Variants in COL24A1 observed in about 807,000 individuals in gnomAD.
The protein encoded by COL24A1 is collagen alpha-1(XXIV) chain.
COL24A1 carries 224 observed loss-of-function variants against 253.9 expected under a neutral mutation model. The ratio of observed to expected loss-of-function variants is 0.88; its 90% CI spans 0.79 to 0.99. The LOEUF is 0.99. COL24A1 is among the 50% of genes least tolerant of loss of function. The pLI is 0.00. For synonymous variants in COL24A1, 685 were observed against 673.7 expected (o/e 1.02, Z -0.26); for missense variants, 2,131 against 2,068.5 (o/e 1.03, Z -0.59).
intron 19 of COL24A1, among the ~76,000 whole-genome samples, chr1:86,002,800 C>G (rs982411770): frequency 2.0e-5 from 3 of 152,152 alleles, no homozygotes; most frequent in Non-Finnish European, 4.4e-5. Flanking sequence ...TGAATAGCCC[C>G]TCTAAGGCAA....
chr1:85,965,887 T>C (rs914840780), intron 22 of COL24A1, among the ~76,000 whole-genome samples: 2 of 151,882 alleles, frequency 1.3e-5, no homozygotes, highest in African/African-American at 2.4e-5. Context: ...TCAAAGGAAA[T>C]GGGGGATGAG....
chr1:85,901,206 A>C (rs781166074), intron 28 of COL24A1, among the ~76,000 whole-genome samples: 3 of 152,186 alleles, frequency 2.0e-5, no homozygotes, highest in Non-Finnish European at 4.4e-5. Flanking sequence ...CAAACAACTC[A>C]GTAGTTAAAA....
At chr1:85,993,813 T>A (rs1694521886) in intron 19 of COL24A1, among the ~76,000 whole-genome samples, 1 of 152,074 alleles carries the variant, frequency 6.6e-6, no homozygotes, top group Admixed American at 6.6e-5. Flanking sequence ...TTTTTAAGGA[T>A]TTAAAGATCT....
rs1320375371 is a variant in COL24A1, at chr1:86,125,858, C to A, written c.478G>T (p.Asp160Tyr). The A allele has an allele frequency of 6.2e-7, 1 of 1,613,326 alleles. No individual in the cohort carries two copies. ...ATGGCAAATGAGTGCCATTGCTCATCATGAACACTGTAGTTGAAAACTGCA... is the reference window on the plus strand; with the variant it reads ...ATGGCAAATGAGTGCCATTGCTCATAATGAACACTGTAGTTGAAAACTGCA... ...QPAVFNYSVH[D>Y]EQWHSFAITI... is the part of the protein sequence containing the mutation. The change falls in exon 3 of 60, where the codon GAT becomes TAT. Residue 160 changes from aspartate (D) to tyrosine (Y), a missense_variant. Transcript: ENST00000370571.
At chr1:85,964,177 T>C (rs187135173) in intron 23 of COL24A1, among the ~76,000 whole-genome samples, 4 of 152,282 alleles carry the variant, frequency 2.6e-5, no homozygotes, top group Admixed American at 2.0e-4. Flanking sequence ...TGTCAATTCA[T>C]AGTTAAATTT....
intron 52 of COL24A1, among the ~76,000 whole-genome samples, chr1:85,778,994 T>C (rs978242883): frequency 6.6e-5 from 10 of 151,850 alleles, no homozygotes; most frequent in African/African-American, 2.4e-4. Flanking sequence ...GGGGTTCCAA[T>C]TTTTCTTTCT....
intron 20 of COL24A1, among the ~76,000 whole-genome samples, chr1:85,977,080 G>A (rs936903353): frequency 1.3e-5 from 2 of 152,202 alleles, no homozygotes; most frequent in African/African-American, 4.8e-5. Context: ...CCAGCCTGGA[G>A]CCTGGTAGCC....
chr1:85,801,857 T>C (rs1032564318), intron 47 of COL24A1, among the ~76,000 whole-genome samples: 3 of 152,212 alleles, frequency 2.0e-5, no homozygotes, highest in African/African-American at 7.2e-5. Context: ...CCTCCTATAA[T>C]ATTTGCTTTT....
At chr1:85,823,493 G>T in intron 45 of COL24A1, 43 bp downstream of exon 45, 1 of 1,579,218 alleles carries the variant, frequency 6.3e-7, no homozygotes, top group Non-Finnish European at 8.7e-7. Context: ...TTCTAAAATT[G>T]CTAACAATAC....
In COL24A1 at chr1:85,730,324, G is replaced by T. The variant is rs1570363612; in HGVS notation, c.*222C>A. The T allele has an allele frequency of 6.2e-5, 23 of 368,648 alleles. No homozygotes were observed. In the East Asian group the frequency reaches 1.0e-3, roughly 16 times the overall value. The allele number at this position is 368,648 out of a possible 1,614,324, so 22.8% of individuals were successfully genotyped here. On this transcript the variant is annotated 3_prime_UTR_variant, in exon 60 of 60. Transcript: ENST00000370571. ...CTAGGGAATTCTCTAAGAAAGCTGA[G>T]ATGAATATAATTTTTAAAAGAATTA...
rs183860505 is a variant in COL24A1 at position 85,921,702 on chromosome 1, C to A, written c.2563-10269G>T. ...CAAAGACCAAAGGTAGATAAAACCA[C>A]AAAGATGGGGAGAAACCAGAGCAGA... is the stretch of plus-strand genomic sequence containing the variant. On this transcript the variant is annotated intron_variant, in intron 24 of 59. Coordinates refer to ENST00000370571, the MANE Select transcript of COL24A1 (RefSeq NM_152890.7). Among the ~76,000 whole-genome samples, 3 of 152,306 alleles carry A rather than the reference C, an allele frequency of 2.0e-5. No individual in the cohort carries two copies. In the East Asian group the frequency reaches 5.8e-4, roughly 29 times the overall value.
chr1:85,986,453 C>T (rs1395161820), intron 20 of COL24A1, among the ~76,000 whole-genome samples: 1 of 151,734 alleles, frequency 6.6e-6, no homozygotes, highest in Non-Finnish European at 1.5e-5. Context: ...CTTCAAGATG[C>T]CCGTCTGATG....
At chr1:86,141,891 A>G (rs541212810) in intron 2 of COL24A1, among the ~76,000 whole-genome samples, 2 of 151,992 alleles carry the variant, frequency 1.3e-5, no homozygotes, top group African/African-American at 4.8e-5. Context: ...TCCAGTAGAG[A>G]TGGGGTTTCA....
intron 53 of COL24A1, among the ~76,000 whole-genome samples, chr1:85,771,257 C>A (rs945927962): frequency 2.0e-5 from 3 of 152,026 alleles, no homozygotes; most frequent in Non-Finnish European, 2.9e-5. Context: ...CACCTAGCCT[C>A]CGACCCCCGA....
In COL24A1 at chr1:85,893,981, A is replaced by G. The variant is rs114616238; in HGVS notation, c.2922+1877T>C. Among the ~76,000 whole-genome samples, 1,041 of 152,280 alleles carry G rather than the reference A, an allele frequency of 6.8e-3. 11 individuals carry two copies. Among genetic ancestry groups the G allele is most frequent in the African/African-American group, 0.024 (1,010 of 41,564 alleles). ...ACAAAGTTATATGGTTTTTAGGAGC[A>G]TACACTAGACCAAAGGACAATCTGA... On this transcript the variant is annotated intron_variant, in intron 31 of 59. Transcript: ENST00000370571.
chr1:85,911,306 A>G (rs1463911586), intron 25 of COL24A1, 74 bp downstream of exon 25: 3 of 1,123,644 alleles, frequency 2.7e-6, no homozygotes, highest in Admixed American at 1.9e-5. Flanking sequence ...AACATAAAAG[A>G]TCATATGAAA....
At chr1:85,887,597 C>T (rs1038603189) in intron 32 of COL24A1, among the ~76,000 whole-genome samples, 10 of 151,988 alleles carry the variant, frequency 6.6e-5, no homozygotes, top group African/African-American at 1.9e-4. Flanking sequence ...ATAAGGGAAT[C>T]GTTGTGGCTG....
At chr1:85,869,632 A>C (rs1338411470) in intron 35 of COL24A1, among the ~76,000 whole-genome samples, 2 of 152,118 alleles carry the variant, frequency 1.3e-5, no homozygotes, top group Non-Finnish European at 2.9e-5. Flanking sequence ...AAATCCTTTA[A>C]GGACAAACAA....
chr1:86,022,827 A>C lies in COL24A1; in HGVS notation c.2148+6T>G. 1 of 1,473,688 alleles carries C rather than the reference A, an allele frequency of 6.8e-7. No homozygotes were observed. Among genetic ancestry groups the C allele is most frequent in the South Asian group, 1.5e-5 (1 of 66,040 alleles). The allele number at this position is 1,473,688 out of a possible 1,614,324, so 91.3% of individuals were successfully genotyped here. ...ATTATTTTTATAATATTAATATTTA[A>C]ATCACCTTATCACCTTTGATTCCAG... On this transcript the variant is annotated splice_donor_region_variant and intron_variant, in intron 16 of 59. Transcript: ENST00000370571.
Sources: gnomAD v4.1 joint callset for allele counts (sites outside exome capture counted in the v4.1 genomes callset) on GRCh38, gnomAD v4.1.1 for gene constraint, MANE v1.5 for transcripts, NCBI Gene and HGNC (gene_info 2026-07-23, HGNC 2026-07-21) for gene names.